The following EDNRA variants were observed in gnomAD, a reference collection of about 807,000 sequenced individuals.
The protein encoded by EDNRA is endothelin receptor type A.
A neutral mutation model predicts 41.4 loss-of-function variants in EDNRA; 11 were observed. That is an observed-to-expected ratio of 0.27 (90% CI 0.17 to 0.44). The LOEUF (loss-of-function observed/expected upper bound fraction) is 0.44. Ranked by LOEUF, EDNRA falls within the 20% of genes least tolerant of loss-of-function variation. The probability of loss-of-function intolerance (pLI) is 1.00; values close to 1 mark genes in which losing one functional copy is unlikely to be tolerated. For synonymous variants in EDNRA, 172 were observed against 183.0 expected, an observed-to-expected ratio of 0.94 and a Z score of 0.49; for missense variants, 294 against 531.0, an observed-to-expected ratio of 0.55 and a Z score of 4.39.
At chr4:147,504,471 A>G (rs754204986) in intron 2 of EDNRA, among the ~76,000 whole-genome samples, 11 of 152,162 alleles carry the variant, frequency 7.2e-5, no homozygotes, top group African/African-American at 1.2e-4. Context: ...ATCACCACCA[A>G]TCCTTTGTCA....
intron 2 of EDNRA, chr4:147,488,561 A>T (rs1729021567): frequency 6.6e-6 from 1 of 152,142 alleles, no homozygotes; most frequent in African/African-American, 2.4e-5. Flanking sequence ...TGAGTCATTT[A>T]ACTATCATTA....
chr4:147,497,823 C>T (rs544513048), intron 2 of EDNRA, among the ~76,000 whole-genome samples: 2 of 152,206 alleles, frequency 1.3e-5, no homozygotes, highest in East Asian at 1.9e-4. Flanking sequence ...CCGCCCACCT[C>T]GGCCTCCAAA....
In EDNRA at chr4:147,513,676, T is replaced by A. The variant is rs547601875; in HGVS notation, c.421-6175T>A. Among the ~76,000 whole-genome samples, 7 of 152,322 alleles carry A rather than the reference T, an allele frequency of 4.6e-5. No individual in the cohort carries two copies. The East Asian group carries it at 1.2e-3, about 25-fold the overall frequency. Reference sequence around the variant, plus strand: ...TTAAAGCCTGATACCTGGTCAGTCATGTCCAATTCTAAGCGACCCTATAAT... The same window carrying A: ...TTAAAGCCTGATACCTGGTCAGTCAAGTCCAATTCTAAGCGACCCTATAAT... On this transcript the variant is annotated intron_variant, in intron 2 of 7. Coordinates refer to ENST00000651419, the MANE Select transcript of EDNRA (RefSeq NM_001957.4).
chr4:147,536,477 GAGAT>G (rs1730925938), intron 5 of EDNRA, among the ~76,000 whole-genome samples: 1 of 152,216 alleles, frequency 6.6e-6, no homozygotes, highest in African/African-American at 2.4e-5. Flanking sequence ...GGAAGGGTAT[GAGAT>G]AGAGTCATGG....
At chr4:147,542,395 C>T in intron 7 of EDNRA, 83 bp from the exon 8 acceptor site, 3 of 1,575,762 alleles carry the variant, frequency 1.9e-6, no homozygotes, top group Non-Finnish European at 2.6e-6. Context: ...ATTTGCCCCT[C>T]ATTAGCATGG....
chr4:147,540,675 T>G (rs542155840), intron 7 of EDNRA, among the ~76,000 whole-genome samples, 190 bp downstream of exon 7: 151 of 152,282 alleles, frequency 9.9e-4, no homozygotes, highest in African/African-American at 3.4e-3. Context: ...GCAGTTCCTA[T>G]TTAGACAACC....
chr4:147,498,926 T>G (rs998236648), intron 2 of EDNRA, among the ~76,000 whole-genome samples: 2 of 152,244 alleles, frequency 1.3e-5, no homozygotes, highest in East Asian at 3.8e-4. Context: ...TTTGATATTT[T>G]TAAGTGCCTA....
chr4:147,519,770 G>A lies in EDNRA; in HGVS notation c.421-81G>A. On this transcript the variant is annotated intron_variant, in intron 2 of 7. Coordinates refer to ENST00000651419, the MANE Select transcript of EDNRA (RefSeq NM_001957.4). This position sits in a 1 kb window ranked among gnomAD's most constrained non-coding sequence, Gnocchi z 4.1. ...CACTGTGAATAAAATTTAGAAGTTGGGACGCATAACTAAAACTGTAAGTGC... is the reference window on the plus strand; with the variant it reads ...CACTGTGAATAAAATTTAGAAGTTGAGACGCATAACTAAAACTGTAAGTGC... 1 of 1,485,254 alleles carries A rather than the reference G, an allele frequency of 6.7e-7. No individual in the cohort carries two copies. Among genetic ancestry groups the A allele is most frequent in the African/African-American group, 1.4e-5 (1 of 70,594 alleles). The allele number at this position is 1,485,254 out of a possible 1,614,324, so 92.0% of individuals were successfully genotyped here. A position where few individuals can be genotyped will look rare whatever the true frequency, so the allele number is the denominator to read the frequency against.
intron 2 of EDNRA, chr4:147,506,306 A>C (rs960753615): frequency 4.4e-6 from 2 of 454,822 alleles, no homozygotes; most frequent in Non-Finnish European, 8.6e-6. Context: ...ATATATGAAC[A>C]ATATTTACTG....
chr4:147,534,094 C>G (rs1730838267), intron 4 of EDNRA, among the ~76,000 whole-genome samples: 1 of 152,192 alleles, frequency 6.6e-6, no homozygotes, highest in African/African-American at 2.4e-5. Context: ...ATGCATTACC[C>G]ATTTCTCTGT....
rs1728747794 is a variant in EDNRA, at chr4:147,481,355, T to C, written c.-92T>C. 6.6e-6 allele frequency: 1 copy of C among 152,368 alleles called. No individual in the cohort carries two copies. The highest frequency in any genetic ancestry group is 2.4e-5 in the African/African-American group (1 of 41,458). 9.4% of individuals were successfully genotyped at this position (152,368 alleles called of 1,614,324 possible). A position where few individuals can be genotyped will look rare whatever the true frequency, so the allele number is the denominator to read the frequency against. ...AGGCGCCGCGCGGACCCGGCAGCTGTCTGCGCACGCCGAGCTCCACGGTCG... is the reference window on the plus strand; with the variant it reads ...AGGCGCCGCGCGGACCCGGCAGCTGCCTGCGCACGCCGAGCTCCACGGTCG... On this transcript the variant is annotated 5_prime_UTR_variant, in exon 1 of 8. Coordinates refer to ENST00000651419, the MANE Select transcript of EDNRA (RefSeq NM_001957.4).
At chr4:147,539,563 G>A (rs943368070) in intron 5 of EDNRA, among the ~76,000 whole-genome samples, 9 of 151,818 alleles carry the variant, frequency 5.9e-5, no homozygotes, top group East Asian at 3.9e-4. Context: ...TATAACCTCC[G>A]TCCTGGCCCT....
intron 7 of EDNRA, 132 bp downstream of exon 7, chr4:147,540,617 A>ATGTT (rs1267004526): frequency 4.8e-6 from 3 of 620,912 alleles, no homozygotes; most frequent in Admixed American, 6.5e-5. Context: ...AGTGAAAATC[A>ATGTT]TGTTTTATTA....
intron 2 of EDNRA, among the ~76,000 whole-genome samples, chr4:147,504,521 T>C (rs942345660): frequency 2.0e-5 from 3 of 152,176 alleles, no homozygotes; most frequent in Non-Finnish European, 4.4e-5. Flanking sequence ...GCTCAAGATA[T>C]ATTAAAAATT....
At position 147,499,797 on chromosome 4, in the gene EDNRA, C is replaced by CTTTTTT. The variant is rs58464606; in HGVS notation, c.420+13716_420+13721dup. Among the ~76,000 whole-genome samples the CTTTTTT allele has an allele frequency of 4.8e-4, 41 of 85,320 alleles. 1 individual carries two copies. The highest frequency in any genetic ancestry group is 8.4e-4 in the East Asian group (2 of 2,386). The allele number at this position is 85,320 out of a possible 152,430, so 56.0% of individuals were successfully genotyped here. ...GAAAATATAGTTACTCTCTAAAAGT[C>CTTTTTT]TTTTTTTTTTTTTTTTTTTTTTTTT... On this transcript the variant is annotated intron_variant, in intron 2 of 7. Transcript: ENST00000651419.
In EDNRA at chr4:147,539,865, C is replaced by T. The variant is rs202191899; in HGVS notation, c.949C>T (p.Leu317Phe). The T allele has an allele frequency of 3.1e-6, 5 of 1,612,902 alleles. No homozygotes were observed. Among genetic ancestry groups the T allele is most frequent in the Admixed American group, 1.7e-5 (1 of 59,682 alleles). Residue 317 changes from leucine (L) to phenylalanine (F), a missense_variant, in exon 6 of 8, where the codon CTT becomes TTT. This residue lies in a region of EDNRA where 185 missense variants were observed against 390.8 expected (regional missense o/e 0.47). Coordinates refer to ENST00000651419, the MANE Select transcript of EDNRA (RefSeq NM_001957.4). Reference sequence around the variant, plus strand: ...TTTCTGCTTGGTTGTAATTTTTGCTCTTTGCTGGTTCCCTCTTCATTTAAG... The same window carrying T: ...TTTCTGCTTGGTTGTAATTTTTGCTTTTTGCTGGTTCCCTCTTCATTTAAG... ...TVFCLVVIFA[L>F]CWFPLHLSRI...
At chr4:147,538,107 A>G (rs1730976346) in intron 5 of EDNRA, among the ~76,000 whole-genome samples, 1 of 152,208 alleles carries the variant, frequency 6.6e-6, no homozygotes, top group South Asian at 2.1e-4. Flanking sequence ...TCTTTCTCCC[A>G]TAGCAAAAAG....
At chr4:147,500,186 G>T (rs1335035683) in intron 2 of EDNRA, among the ~76,000 whole-genome samples, 1 of 152,070 alleles carries the variant, frequency 6.6e-6, no homozygotes, top group Non-Finnish European at 1.5e-5. Flanking sequence ...TCTTTGGAAG[G>T]ACCAATTGAA....
intron 2 of EDNRA, among the ~76,000 whole-genome samples, chr4:147,503,434 G>A (rs1242665759): frequency 1.3e-5 from 2 of 152,130 alleles, no homozygotes; most frequent in African/African-American, 4.8e-5. Flanking sequence ...GCAGGAAAGA[G>A]CAGGAAAAGA....
Sources: gnomAD v4.1 joint callset for allele counts (sites outside exome capture counted in the v4.1 genomes callset) on GRCh38, gnomAD v4.1.1 for gene constraint, gnomAD v4.1.1 regional missense constraint, Gnocchi (gnomAD v3.1) non-coding constraint, MANE v1.5 for transcripts, NCBI Gene and HGNC (gene_info 2026-07-23, HGNC 2026-07-21) for gene names.